CACNA1B: variants seen among roughly 807,000 people sequenced by gnomAD.
CACNA1B encodes the protein voltage-dependent N-type calcium channel subunit alpha-1B.
In CACNA1B, 70 loss-of-function variants were observed where a neutral mutation model predicts 247.2. The observed-to-expected ratio is 0.28, with a 90% CI of 0.23 to 0.35. The LOEUF is 0.35. Among genes scored for constraint, CACNA1B ranks in the 10% least tolerant of loss-of-function variants. The pLI is 1.00. For missense variants in CACNA1B, 2,367 were observed against 3,197.4 expected (o/e 0.74, Z 6.26); for synonymous variants, 1,231 against 1,294.4 (o/e 0.95, Z 1.05).
chr9:137,906,497 C>T (rs1216054782), intron 3 of CACNA1B, among the ~76,000 whole-genome samples: 4 of 152,174 alleles, frequency 2.6e-5, no homozygotes, highest in South Asian at 2.1e-4. Flanking sequence ...ATTGAACATA[C>T]GTGTTCCCCT....
At chr9:137,948,660 T>G (rs1957826401) in intron 6 of CACNA1B, among the ~76,000 whole-genome samples, 1 of 151,442 alleles carries the variant, frequency 6.6e-6, no homozygotes, top group South Asian at 2.1e-4. Context: ...GTGTTTGTGG[T>G]GTGTGTTGTG....
chr9:137,978,408 C>T (rs1217669397), intron 12 of CACNA1B, among the ~76,000 whole-genome samples: 3 of 150,056 alleles, frequency 2.0e-5, no homozygotes, highest in African/African-American at 7.4e-5. Flanking sequence ...CTGCCCCCCC[C>T]AGGAAGGAGT....
At chr9:137,978,418 T>G (rs182787347) in intron 12 of CACNA1B, among the ~76,000 whole-genome samples, 412 of 118,184 alleles carry the variant, frequency 3.5e-3, no homozygotes, top group African/African-American at 0.012. Flanking sequence ...CAGGAAGGAG[T>G]GACAGGTGGG....
chr9:138,099,547 TTG>T (rs545249353), intron 37 of CACNA1B, among the ~76,000 whole-genome samples: 2 of 148,646 alleles, frequency 1.3e-5, no homozygotes, highest in Non-Finnish European at 3.0e-5. Context: ...GCATGTGCCT[TTG>T]TGTGTGTGCC....
At chr9:138,026,022 G>T (rs1398207533) in intron 20 of CACNA1B, among the ~76,000 whole-genome samples, 1 of 152,202 alleles carries the variant, frequency 6.6e-6, no homozygotes, top group Non-Finnish European at 1.5e-5. Context: ...GCCCATGTTT[G>T]CAGACGGATC....
chr9:138,006,042 C>CAAAAAA (rs11288171), intron 15 of CACNA1B, among the ~76,000 whole-genome samples: 6 of 67,768 alleles, frequency 8.9e-5, no homozygotes, highest in Admixed American at 1.6e-4. Context: ...GACTCCATGT[C>CAAAAAA]AAAAAAAAAA....
intron 10 of CACNA1B, among the ~76,000 whole-genome samples, chr9:137,960,193 A>G (rs1259390080): frequency 0.021 from 160 of 7,570 alleles, no homozygotes; most frequent in South Asian, 0.025. Context: ...AGTTGGCCTG[A>G]GTGAGGGGGA....
intron 3 of CACNA1B, among the ~76,000 whole-genome samples, chr9:137,895,568 T>C (rs1957163536): frequency 6.6e-6 from 1 of 152,256 alleles, no homozygotes; most frequent in African/African-American, 2.4e-5. Flanking sequence ...CATGTTTTGT[T>C]ACATTTACAT....
chr9:137,948,477 T>A (rs1411510454), intron 6 of CACNA1B, among the ~76,000 whole-genome samples: 1 of 152,234 alleles, frequency 6.6e-6, no homozygotes, highest in Non-Finnish European at 1.5e-5. Context: ...CATTCTCTTG[T>A]TATGCATTTT....
intron 18 of CACNA1B, among the ~76,000 whole-genome samples, chr9:138,015,799 C>T (rs962152388): frequency 2.6e-5 from 4 of 152,178 alleles, no homozygotes; most frequent in African/African-American, 9.7e-5. Flanking sequence ...CTTGAAGGGA[C>T]ACTAAGGTGG....
chr9:138,026,673 A>G (rs1258522533), intron 20 of CACNA1B, among the ~76,000 whole-genome samples: 1 of 152,214 alleles, frequency 6.6e-6, no homozygotes, highest in African/African-American at 2.4e-5. Context: ...TTATTCACCT[A>G]TTGAAGGACA....
rs1472403587 is a variant in CACNA1B at position 137,881,456 on chromosome 9, T to A, written c.391-1288T>A. Among the ~76,000 whole-genome samples, 1 of 152,174 alleles carries A rather than the reference T, an allele frequency of 6.6e-6. No homozygotes were observed. Among genetic ancestry groups the A allele is most frequent in the Non-Finnish European group, 1.5e-5 (1 of 68,020 alleles). ...TGGAACTGGTGGCACTCACCTCACC[T>A]GGCAGCTCTGTGGCAGCCCAGCAGC... On this transcript the variant is annotated intron_variant, in intron 2 of 46. Transcript: ENST00000371372. This position sits in a 1 kb window ranked among gnomAD's most constrained non-coding sequence, Gnocchi z 4.3.
Position 138,121,319 on chromosome 9 carries a change from C to G in CACNA1B, c.6490-150C>G, listed in dbSNP as rs1962088699. ...CTCCCCCGCACACAGGTGCCTGTTG[C>G]CTCCCTGGTCACCGCAGCCCGTTGT... On this transcript the variant is annotated intron_variant, in intron 46 of 46. Coordinates refer to ENST00000371372, the MANE Select transcript of CACNA1B (RefSeq NM_000718.4). This position sits in a 1 kb window ranked among gnomAD's most constrained non-coding sequence, Gnocchi z 6.8. The G allele has an allele frequency of 3.3e-6, 2 of 611,782 alleles. No individual in the cohort carries two copies. The highest frequency in any genetic ancestry group is 3.7e-5 in the African/African-American group (2 of 53,870). 37.9% of individuals were successfully genotyped at this position (611,782 alleles called of 1,614,324 possible). A position where few individuals can be genotyped will look rare whatever the true frequency, so the allele number is the denominator to read the frequency against.
At chr9:138,000,259 C>T (rs1004845290) in intron 15 of CACNA1B, among the ~76,000 whole-genome samples, 44 of 151,918 alleles carry the variant, frequency 2.9e-4, no homozygotes, top group Admixed American at 5.9e-4. Flanking sequence ...CCACTACGCC[C>T]GGCTAATTTT....
rs1168003255 is a variant in CACNA1B, at chr9:137,954,156, C to T, written c.1071-1542C>T. Among the ~76,000 whole-genome samples, 2 of 152,272 alleles carry T rather than the reference C, an allele frequency of 1.3e-5. No homozygotes were observed. The highest frequency in any genetic ancestry group is 3.9e-4 in the East Asian group (2 of 5,162). ...CAGCGCAGCTGAACCCTCCCTCAGG[C>T]CCACAGGCCCAGCAGAGGGCCCCCA... On this transcript the variant is annotated intron_variant, in intron 7 of 46. Coordinates refer to ENST00000371372, the MANE Select transcript of CACNA1B (RefSeq NM_000718.4). The surrounding 1 kb of genome is among the most constrained non-coding windows in gnomAD (Gnocchi z 4.1).
chr9:137,905,050 T>C (rs1166667168), intron 3 of CACNA1B, among the ~76,000 whole-genome samples: 3 of 152,154 alleles, frequency 2.0e-5, no homozygotes, highest in Non-Finnish European at 4.4e-5. Flanking sequence ...TCCAAAAACG[T>C]TGGGTTTTTA....
intron 3 of CACNA1B, among the ~76,000 whole-genome samples, chr9:137,898,831 G>A (rs975158202): frequency 2.0e-5 from 3 of 151,772 alleles, no homozygotes; most frequent in Non-Finnish European, 4.4e-5. Context: ...ATAGGCACCC[G>A]TCCCCATGCC....
rs753521433 is a variant in CACNA1B at position 137,971,514 on chromosome 9, C to T, written c.1465C>T (p.Leu489=). ...VKAQSFYWVV[L]CVVALNTLCV... is the part of the protein sequence containing the mutation. ...GGCTCAGAGCTTCTACTGGGTGGTG[C>T]TGTGCGTGGTGGCCCTGAACACACT... Residue 489 remains leucine (L), a synonymous_variant, in exon 11 of 47, where the codon CTG becomes TTG. Transcript: ENST00000371372. This position sits in a 1 kb window ranked among gnomAD's most constrained non-coding sequence, Gnocchi z 4.4. 1 of 1,613,776 alleles carries T rather than the reference C, an allele frequency of 6.2e-7. No homozygotes were observed. The highest frequency in any genetic ancestry group is 8.5e-7 in the Non-Finnish European group (1 of 1,179,802).
intron 36 of CACNA1B, among the ~76,000 whole-genome samples, chr9:138,079,836 C>T (rs933863983): frequency 1.1e-4 from 15 of 142,610 alleles, no homozygotes; most frequent in African/African-American, 3.7e-4. Context: ...AATTGCGCCA[C>T]TATACTCCAG....
Sources: allele counts gnomAD v4.1 joint callset (sites outside exome capture counted in the v4.1 genomes callset), GRCh38; gene constraint gnomAD v4.1.1; non-coding constraint Gnocchi (gnomAD v3.1); transcripts MANE v1.5; gene names NCBI Gene and HGNC (gene_info 2026-07-23, HGNC 2026-07-21).